Variants in PLCXD3 observed in about 807,000 individuals in gnomAD.
PLCXD3 encodes the protein PI-PLC X domain-containing protein 3.
PLCXD3 carries 19 observed loss-of-function variants against 25.5 expected under a neutral mutation model. That is an observed-to-expected ratio of 0.75 (90% CI 0.52 to 1.09). The LOEUF (loss-of-function observed/expected upper bound fraction) is 1.09, where lower values mean the gene tolerates loss of function less well. PLCXD3 is among the 50% of genes least tolerant of loss of function. The pLI is 0.00. For missense variants in PLCXD3, 411 were observed against 388.1 expected (o/e 1.06, Z -0.50); for synonymous variants, 174 against 137.6 (o/e 1.26, Z -1.85).
At chr5:41,410,392 T>A (rs528356001) in intron 1 of PLCXD3, among the ~76,000 whole-genome samples, 112 of 152,050 alleles carry the variant, frequency 7.4e-4, no homozygotes, top group Admixed American at 3.5e-3. Flanking sequence ...ATCTGCCCAC[T>A]TCAACCTCCC....
At chr5:41,428,391 T>TG (rs1747016940) in intron 1 of PLCXD3, among the ~76,000 whole-genome samples, 2 of 144,160 alleles carry the variant, frequency 1.4e-5, no homozygotes, top group African/African-American at 5.3e-5. Context: ...TGTTTTTGTT[T>TG]TTGTTTTTTT....
intron 1 of PLCXD3, among the ~76,000 whole-genome samples, chr5:41,421,892 G>A (rs1305013545): frequency 4.6e-5 from 7 of 151,974 alleles, no homozygotes; most frequent in African/African-American, 1.7e-4. Flanking sequence ...CTGGTTACCC[G>A]TTAATAAAAC....
At chr5:41,403,135 C>T (rs1284551241) in intron 1 of PLCXD3, among the ~76,000 whole-genome samples, 4 of 152,002 alleles carry the variant, frequency 2.6e-5, no homozygotes, top group East Asian at 3.9e-4. Flanking sequence ...TGCCAACCTT[C>T]GGCCTAGTAG....
intron 1 of PLCXD3, among the ~76,000 whole-genome samples, chr5:41,505,948 T>C (rs1222140805): frequency 6.6e-6 from 1 of 152,256 alleles, no homozygotes; most frequent in Non-Finnish European, 1.5e-5. Context: ...AAAAAATGTA[T>C]ATTTAAATTT....
At position 41,313,755 on chromosome 5, in the gene PLCXD3, C is replaced by G; in HGVS notation, c.828G>C (p.Met276Ile). ...ETITERALPA[M>I]MQWVRTQKPG... The stretch of plus-strand genomic sequence containing the variant: ...GCTTCTGCGTGCGGACCCACTGCAT[C>G]ATGGCAGGAAGAGCTCTGAGAAAGG... The change falls in exon 3 of 3, where the codon ATG (methionine) becomes ATC (isoleucine). Residue 276 changes from methionine (M) to isoleucine (I), a missense_variant. Physicochemically the swap from Met to Ile is conservative, Grantham distance 10 (BLOSUM62 1). Coordinates refer to ENST00000377801, the MANE Select transcript of PLCXD3 (RefSeq NM_001005473.3). The G allele has an allele frequency of 6.2e-7, 1 of 1,600,976 alleles. No individual in the cohort carries two copies. The highest frequency in any genetic ancestry group is 8.5e-7 in the Non-Finnish European group (1 of 1,174,016).
At chr5:41,445,295 T>C (rs1204211858) in intron 1 of PLCXD3, among the ~76,000 whole-genome samples, 2 of 152,190 alleles carry the variant, frequency 1.3e-5, no homozygotes, top group African/African-American at 4.8e-5. Flanking sequence ...AGTGCTCAGG[T>C]TCTCTCATTA....
At chr5:41,508,722 C>G (rs191540988) in intron 1 of PLCXD3, among the ~76,000 whole-genome samples, 110 of 152,346 alleles carry the variant, frequency 7.2e-4, no homozygotes, top group African/African-American at 2.6e-3. Context: ...CAGTGATTGC[C>G]CTTCTTACCT....
At chr5:41,493,605 C>A (rs963142911) in intron 1 of PLCXD3, among the ~76,000 whole-genome samples, 1 of 152,240 alleles carries the variant, frequency 6.6e-6, no homozygotes, top group African/African-American at 2.4e-5. Flanking sequence ...AGCTTTCTGG[C>A]TGCTTTGTTT....
At chr5:41,321,435 C>CAA (rs138588639) in intron 2 of PLCXD3, among the ~76,000 whole-genome samples, 2 of 151,692 alleles carry the variant, frequency 1.3e-5, no homozygotes, top group African/African-American at 4.8e-5. Context: ...AAGAAGACAC[C>CAA]AAAAAAATGC....
chr5:41,484,881 T>A (rs1748485680), intron 1 of PLCXD3, among the ~76,000 whole-genome samples: 1 of 152,198 alleles, frequency 6.6e-6, no homozygotes, highest in African/African-American at 2.4e-5. Context: ...CAGTTTCATG[T>A]CCCACCTGCT....
chr5:41,316,154 C>T (rs1743284544), intron 2 of PLCXD3, among the ~76,000 whole-genome samples: 1 of 152,152 alleles, frequency 6.6e-6, no homozygotes, highest in Non-Finnish European at 1.5e-5. Flanking sequence ...TGTCTTGCCT[C>T]TTGGATACCA....
In PLCXD3 at chr5:41,414,423, T is replaced by G. The variant is rs72755998; in HGVS notation, c.104-31889A>C. On this transcript the variant is annotated intron_variant, in intron 1 of 2. Coordinates refer to ENST00000377801, the MANE Select transcript of PLCXD3 (RefSeq NM_001005473.3). ...CTCCATGTTGGTCAGGCTGGTGGAG[T>G]AGGCATTATTTTTGATGGAAAAAGA... is the stretch of plus-strand genomic sequence containing the variant. 3.8e-3 allele frequency among the ~76,000 whole-genome samples: 582 copies of G among 152,030 alleles called. 3 individuals are homozygous for G. The highest frequency in any genetic ancestry group is 5.7e-3 in the Non-Finnish European group (384 of 67,954).
chr5:41,382,607 A>G (rs1745505873), intron 1 of PLCXD3, 73 bp from the exon 2 acceptor site: 1 of 1,168,032 alleles, frequency 8.6e-7, no homozygotes, highest in Non-Finnish European at 1.2e-6. Flanking sequence ...CCCTCTTGCA[A>G]TATCCATACC....
At position 41,308,233 on chromosome 5, in the gene PLCXD3, G is replaced by A. The variant is rs1048346141; in HGVS notation, c.*5384C>T. The stretch of plus-strand genomic sequence containing the variant: ...AGTGTGGATAGAATTGTGAGATTTA[G>A]GAAAAAATATATAGGACATACCCAG... On this transcript the variant is annotated 3_prime_UTR_variant, in exon 3 of 3. Transcript: ENST00000377801. 6.6e-6 allele frequency: 1 copy of A among 151,944 alleles called. No homozygotes were observed. The highest frequency in any genetic ancestry group is 2.4e-5 in the African/African-American group (1 of 41,370). 9.4% of individuals were successfully genotyped at this position (151,944 alleles called of 1,614,324 possible).
At chr5:41,457,518 G>T (rs1382644505) in intron 1 of PLCXD3, among the ~76,000 whole-genome samples, 2 of 151,882 alleles carry the variant, frequency 1.3e-5, no homozygotes, top group Admixed American at 6.6e-5. Context: ...CCTGCATGTA[G>T]ATGCATAGCC....
rs181624093 is a variant in PLCXD3 at position 41,316,882 on chromosome 5, C to A, written c.813-3112G>T. Among the ~76,000 whole-genome samples, 129 of 152,298 alleles carry A rather than the reference C, an allele frequency of 8.5e-4. 1 individual carries two copies. Among genetic ancestry groups the A allele is most frequent in the Non-Finnish European group, 2.1e-4 (14 of 68,020 alleles). ...AATTTCTAAGGTTTTTGGCTCTACT[C>A]CCTGACTCCAGATGGCACTTCTGGA... On this transcript the variant is annotated intron_variant, in intron 2 of 2. Coordinates refer to ENST00000377801, the MANE Select transcript of PLCXD3 (RefSeq NM_001005473.3).
intron 2 of PLCXD3, among the ~76,000 whole-genome samples, chr5:41,325,371 C>T (rs1218438162): frequency 6.6e-6 from 1 of 152,170 alleles, no homozygotes; most frequent in Admixed American, 6.6e-5. Flanking sequence ...AAAAGACTCA[C>T]TGTACTGGAT....
At chr5:41,460,268 G>A (rs2150516753) in intron 1 of PLCXD3, among the ~76,000 whole-genome samples, 1 of 151,886 alleles carries the variant, frequency 6.6e-6, no homozygotes, top group African/African-American at 2.4e-5. Flanking sequence ...CAATGGTGTT[G>A]GCTGAATTTT....
At chr5:41,407,279 A>G (rs1746380605) in intron 1 of PLCXD3, among the ~76,000 whole-genome samples, 1 of 152,206 alleles carries the variant, frequency 6.6e-6, no homozygotes, top group Non-Finnish European at 1.5e-5. Flanking sequence ...TATGTAACTG[A>G]GGAGATAAAA....
Sources: gnomAD v4.1 joint callset for allele counts (sites outside exome capture counted in the v4.1 genomes callset) on GRCh38, gnomAD v4.1.1 for gene constraint, MANE v1.5 for transcripts, NCBI Gene and HGNC (gene_info 2026-07-23, HGNC 2026-07-21) for gene names.